Variants in EXT2 observed in about 807,000 individuals in gnomAD.
EXT2 encodes exostosin-2.
EXT2 carries 53 observed loss-of-function variants against 81.6 expected under a neutral mutation model. The ratio of observed to expected loss-of-function variants is 0.65; its 90% CI spans 0.52 to 0.82. EXT2 has a LOEUF of 0.82. Among genes scored for constraint, EXT2 ranks in the 40% least tolerant of loss-of-function variants. The probability of loss-of-function intolerance (pLI) is 0.00; values close to 1 mark genes in which losing one functional copy is unlikely to be tolerated. For missense variants in EXT2, 774 were observed against 910.2 expected, an observed-to-expected ratio of 0.85 and a Z score of 1.93; for synonymous variants, 320 against 340.0, an observed-to-expected ratio of 0.94 and a Z score of 0.65.
intron 7 of EXT2, among the ~76,000 whole-genome samples, chr11:44,142,796 G>A (rs1033275105): frequency 2.6e-5 from 4 of 152,200 alleles, no homozygotes; most frequent in African/African-American, 9.7e-5. Context: ...GCTCATGACT[G>A]TGAAGCAGTG....
At chr11:44,209,062 G>A (rs1483217119) in intron 10 of EXT2, among the ~76,000 whole-genome samples, 1 of 152,192 alleles carries the variant, frequency 6.6e-6, no homozygotes, top group African/African-American at 2.4e-5. Context: ...ATGATTGACA[G>A]GTTATTTAAT....
intron 7 of EXT2, among the ~76,000 whole-genome samples, chr11:44,143,874 G>A (rs143386332): frequency 5.3e-5 from 8 of 152,286 alleles, no homozygotes; most frequent in East Asian, 3.9e-4. Context: ...GGTGTTCTCC[G>A]GAATCATTGC....
chr11:44,168,453 C>T (rs1445970048), intron 7 of EXT2, among the ~76,000 whole-genome samples: 3 of 152,090 alleles, frequency 2.0e-5, no homozygotes, highest in Non-Finnish European at 4.4e-5. Flanking sequence ...CGAAAGTTTT[C>T]TAAAATCAGT....
At chr11:44,209,967 T>C (rs1050209051) in intron 10 of EXT2, among the ~76,000 whole-genome samples, 1 of 152,246 alleles carries the variant, frequency 6.6e-6, no homozygotes, top group South Asian at 2.1e-4. Flanking sequence ...ATTTGATGAA[T>C]GAATAAATCT....
intron 10 of EXT2, among the ~76,000 whole-genome samples, chr11:44,223,122 C>T (rs910803542): frequency 1.3e-5 from 2 of 152,190 alleles, no homozygotes; most frequent in African/African-American, 2.4e-5. Flanking sequence ...CAAAAAAATA[C>T]AAACAGCAAA....
chr11:44,207,545 A>G (rs1271266660), intron 10 of EXT2, among the ~76,000 whole-genome samples: 2 of 152,198 alleles, frequency 1.3e-5, no homozygotes, highest in South Asian at 2.1e-4. Context: ...GTGAAAAGCA[A>G]TAGGAATTGA....
At chr11:44,216,756 A>G (rs1418092898) in intron 10 of EXT2, among the ~76,000 whole-genome samples, 1 of 152,000 alleles carries the variant, frequency 6.6e-6, no homozygotes, top group East Asian at 1.9e-4. Context: ...CAGTTCACAG[A>G]TTGCACTTCC....
intron 8 of EXT2, among the ~76,000 whole-genome samples, chr11:44,193,087 A>G (rs1464397944): frequency 6.6e-6 from 1 of 152,242 alleles, no homozygotes; most frequent in East Asian, 1.9e-4. Context: ...TAGCCAAAAC[A>G]TAATGAATAG....
chr11:44,120,333 C>G (rs1954297870), intron 4 of EXT2, among the ~76,000 whole-genome samples: 1 of 152,152 alleles, frequency 6.6e-6, no homozygotes, highest in Non-Finnish European at 1.5e-5. Flanking sequence ...CAGGGTAGCA[C>G]CGAAAGGTAA....
chr11:44,103,624 A>G (rs1449554342), intron 1 of EXT2: 3 of 422,462 alleles, frequency 7.1e-6, no homozygotes, highest in East Asian at 7.4e-5. Flanking sequence ...AATATTTGGT[A>G]GAACTTGGAA....
At chr11:44,243,618 CTTTTTTT>C (rs1215047805) in intron 13 of EXT2, among the ~76,000 whole-genome samples, 3 of 72,894 alleles carry the variant, frequency 4.1e-5, no homozygotes, top group African/African-American at 5.6e-5. Context: ...GCCCTGTCAC[CTTTTTTT>C]TTTTTTTTTT....
At chr11:44,105,477 A>T (rs1954041296) in intron 1 of EXT2, among the ~76,000 whole-genome samples, 1 of 152,096 alleles carries the variant, frequency 6.6e-6, no homozygotes, top group African/African-American at 2.4e-5. Context: ...TTTTTAGTAG[A>T]GACAGGGTTT....
intron 9 of EXT2, among the ~76,000 whole-genome samples, chr11:44,205,553 T>A (rs1564975285): frequency 6.6e-6 from 1 of 152,342 alleles, no homozygotes; most frequent in East Asian, 1.9e-4. Context: ...TTTAAGACCG[T>A]GAATACAGGG....
chr11:44,213,769 G>A (rs1295244064), intron 10 of EXT2, among the ~76,000 whole-genome samples: 1 of 152,160 alleles, frequency 6.6e-6, no homozygotes, highest in African/African-American at 2.4e-5. Flanking sequence ...TGTGTCATTA[G>A]AATTTTAGAA....
intron 9 of EXT2, among the ~76,000 whole-genome samples, chr11:44,199,408 C>T (rs1213704061): frequency 6.6e-6 from 1 of 152,214 alleles, no homozygotes; most frequent in African/African-American, 2.4e-5. Flanking sequence ...TTAGTCCCTT[C>T]GTTTATAAAG....
At chr11:44,103,559 CT>C (rs938683494) in intron 1 of EXT2, 6 of 369,340 alleles carry the variant, frequency 1.6e-5, no homozygotes, top group Admixed American at 4.1e-5. Context: ...AGTGTTTCCT[CT>C]TTTTTTTCTG....
chr11:44,189,359 ACAGT>A (rs1224958767), intron 8 of EXT2, among the ~76,000 whole-genome samples: 9 of 152,218 alleles, frequency 5.9e-5, no homozygotes, highest in Middle Eastern at 3.4e-3. Context: ...GTTTTTCAGA[ACAGT>A]CAGTTATTGT....
Position 44,244,789 on chromosome 11 carries a change from T to C in EXT2, c.*502T>C, listed in dbSNP as rs1293337368. The C allele has an allele frequency of 7.8e-6, 2 of 256,374 alleles. No homozygotes were observed. Among genetic ancestry groups the C allele is most frequent in the African/African-American group, 4.4e-5 (2 of 45,962 alleles). The allele number at this position is 256,374 out of a possible 1,614,324, so 15.9% of individuals were successfully genotyped here. A position where few individuals can be genotyped will look rare whatever the true frequency, so the allele number is the denominator to read the frequency against. On this transcript the variant is annotated 3_prime_UTR_variant, in exon 14 of 14. Coordinates refer to ENST00000533608, the MANE Select transcript of EXT2 (RefSeq NM_207122.2). Reference sequence around the variant, plus strand: ...CAAAAGCCAAACATCTTGGTGGGATTTGATAAATGCCTTGGGACCTGGAGT... The same window carrying C: ...CAAAAGCCAAACATCTTGGTGGGATCTGATAAATGCCTTGGGACCTGGAGT...
intron 10 of EXT2, among the ~76,000 whole-genome samples, chr11:44,214,797 G>T (rs1280628077): frequency 1.3e-5 from 2 of 151,398 alleles, no homozygotes; most frequent in Non-Finnish European, 2.9e-5. Flanking sequence ...TGTCACCCAG[G>T]CTGGTGTGCA....
Sources: allele counts gnomAD v4.1 joint callset (sites outside exome capture counted in the v4.1 genomes callset), GRCh38; gene constraint gnomAD v4.1.1; transcripts MANE v1.5; gene names NCBI Gene and HGNC (gene_info 2026-07-23, HGNC 2026-07-21).